The following MAG variants were observed in gnomAD, a reference collection of about 807,000 sequenced individuals.
The protein encoded by MAG is myelin associated glycoprotein.
In MAG, 30 loss-of-function variants were observed where a neutral mutation model predicts 60.7. That is an observed-to-expected ratio of 0.49 (90% confidence interval 0.37 to 0.67). MAG has a LOEUF of 0.67. Among genes scored for constraint, MAG ranks in the 30% least tolerant of loss-of-function variants. MAG has a pLI of 0.00. For synonymous variants in MAG, 384 were observed against 376.8 expected (o/e 1.02, Z -0.22); for missense variants, 795 against 851.7 (o/e 0.93, Z 0.83).
rs781652445 is a variant in MAG at position 35,295,390 on chromosome 19, C to CACTCACTCGCTGT, written c.-16_-4dup. ...CCCTCTCCTCTCCCTTTCCAGCGAT[C>CACTCACTCGCTGT]ACTCACTCGCTGTACAGAATGATAT... On this transcript the variant is annotated 5_prime_UTR_variant, in exon 3 of 11. Coordinates refer to ENST00000392213, the MANE Select transcript of MAG (RefSeq NM_002361.4). This position sits in a 1 kb window ranked among gnomAD's most constrained non-coding sequence, Gnocchi z 5.8. The CACTCACTCGCTGT allele has an allele frequency of 5.6e-6, 9 of 1,613,192 alleles. No individual in the cohort carries two copies. In the East Asian group the frequency reaches 8.9e-5, roughly 16 times the overall value.
chr19:35,310,271 A>G lies in MAG; in HGVS notation c.1519+110A>G, dbSNP rs2066517538. On this transcript the variant is annotated intron_variant, in intron 8 of 10. Coordinates refer to ENST00000392213, the MANE Select transcript of MAG (RefSeq NM_002361.4). ...CAGAGCATGGGCTATGCAGATTGAC[A>G]GAAAGGTCAAATTCTCCCTTTCCGG... 8.9e-6 allele frequency: 12 copies of G among 1,353,774 alleles called. 1 individual carries two copies. In the South Asian group the frequency reaches 1.8e-4, roughly 20 times the overall value. 83.9% of individuals were successfully genotyped at this position (1,353,774 alleles called of 1,614,324 possible).
chr19:35,295,801 C>G lies in MAG; in HGVS notation c.235C>G (p.Gln79Glu). 1 of 1,613,908 alleles carries G rather than the reference C, an allele frequency of 6.2e-7. No individual in the cohort carries two copies. The highest frequency in any genetic ancestry group is 1.3e-5 in the African/African-American group (1 of 75,008). ...YPPVVFKSRT[Q>E]VVHESFQGRS... ...CCCGGTGGTCTTCAAGTCGCGCACC[C>G]AAGTAGTCCACGAGAGCTTCCAGGG... The change falls in exon 4 of 11, where the codon CAA (glutamine) becomes GAA (glutamate). Residue 79 changes from glutamine (Q) to glutamate (E), a missense_variant. By Grantham distance (29) the Gln-to-Glu change is conservative. Transcript: ENST00000392213. This position sits in a 1 kb window ranked among gnomAD's most constrained non-coding sequence, Gnocchi z 5.8.
chr19:35,310,696 TG>T, intron 9 of MAG, 53 bp downstream of exon 9: 1 of 1,524,134 alleles, frequency 6.6e-7, no homozygotes, highest in Non-Finnish European at 9.1e-7. Context: ...AAAGGGGACC[TG>T]GTGGGAGATG....
intron 10 of MAG, chr19:35,312,773 C>T (rs557457031): frequency 5.5e-4 from 108 of 195,538 alleles, no homozygotes; most frequent in African/African-American, 2.4e-3. Context: ...GGCAGTGGCT[C>T]ACACCTGTAA....
chr19:35,297,948 ACAC>A (rs1005707244), intron 4 of MAG, among the ~76,000 whole-genome samples: 14 of 137,426 alleles, frequency 1.0e-4, no homozygotes, highest in South Asian at 2.3e-4. Context: ...CTACACACAC[ACAC>A]CACACCAAAC....
chr19:35,305,311 CT>C (rs1354607930), intron 7 of MAG, among the ~76,000 whole-genome samples: 2 of 152,224 alleles, frequency 1.3e-5, no homozygotes, highest in African/African-American at 4.8e-5. Context: ...GCAGGGCCTT[CT>C]GTCTTACCTG....
At position 35,307,286 on chromosome 19, in the gene MAG, G is replaced by GT. The variant is rs138539777; in HGVS notation, c.1232-2587dup. Among the ~76,000 whole-genome samples the GT allele has an allele frequency of 9.1e-3, 1,389 of 152,312 alleles. 32 individuals are homozygous for GT. Among genetic ancestry groups the GT allele is most frequent in the African/African-American group, 0.032 (1,311 of 41,560 alleles). On this transcript the variant is annotated intron_variant, in intron 7 of 10. Transcript: ENST00000392213. The stretch of plus-strand genomic sequence containing the variant: ...GTTCCCATTCCTGCCGTGAATCCGT[G>GT]TGCCCGTGTGACTCCCAGGTCCACC...
chr19:35,300,336 G>T lies in MAG; in HGVS notation c.902G>T (p.Gly301Val). 6.3e-7 allele frequency: 1 copy of T among 1,598,996 alleles called. No individual in the cohort carries two copies. The highest frequency in any genetic ancestry group is 8.5e-7 in the Non-Finnish European group (1 of 1,179,458). Residue 301 changes from glycine to valine, a missense_variant, in exon 6 of 11, where the codon GGC becomes GTC. By Grantham distance (109) the Gly-to-Val change is moderately radical. Transcript: ENST00000392213. ...ELEEVTPAEDGVYACLAENAY... is the reference protein window; with the variant it reads ...ELEEVTPAEDVVYACLAENAY... Reference sequence around the variant, plus strand: ...GAGGAGGTGACCCCCGCCGAAGACGGCGTCTATGCCTGCCTGGCCGAGAAT... The same window carrying T: ...GAGGAGGTGACCCCCGCCGAAGACGTCGTCTATGCCTGCCTGGCCGAGAAT...
At chr19:35,292,983 T>C (rs1293790558) in intron 1 of MAG, among the ~76,000 whole-genome samples, 2 of 152,168 alleles carry the variant, frequency 1.3e-5, no homozygotes, top group African/African-American at 2.4e-5. Context: ...GCTGTACATA[T>C]GTTTATGGAC....
At chr19:35,308,883 G>A (rs1367395697) in intron 7 of MAG, among the ~76,000 whole-genome samples, 3 of 152,218 alleles carry the variant, frequency 2.0e-5, no homozygotes, top group African/African-American at 7.2e-5. Context: ...GGGAGGCTGA[G>A]GCGGGAGGAT....
chr19:35,311,823 G>A (rs1014203034), intron 9 of MAG, 95 bp from the exon 10 acceptor site: 1 of 768,288 alleles, frequency 1.3e-6, no homozygotes, highest in South Asian at 1.6e-5. Flanking sequence ...AGAGATGGGT[G>A]GGAGAACTCT....
chr19:35,299,425 C>T, intron 4 of MAG, 129 bp from the exon 5 acceptor site: 2 of 613,338 alleles, frequency 3.3e-6, no homozygotes, highest in South Asian at 4.7e-5. Context: ...AGGCAGGGAG[C>T]GGAGGCGATA....
chr19:35,309,920 C>T lies in MAG; in HGVS notation c.1278C>T (p.Asp426=), dbSNP rs758590453. The T allele has an allele frequency of 2.5e-6, 4 of 1,613,818 alleles. No individual in the cohort carries two copies. Among genetic ancestry groups the T allele is most frequent in the Non-Finnish European group, 3.4e-6 (4 of 1,179,942 alleles). The change falls in exon 8 of 11, where the codon GAC becomes GAT. Residue 426 remains aspartate, a synonymous_variant. Transcript: ENST00000392213. ...LLESHCAAAR[D]TVQCLCVVKS... The stretch of plus-strand genomic sequence containing the variant: ...AGTCCCACTGCGCGGCAGCCCGAGA[C>T]ACGGTGCAGTGCCTGTGCGTGGTGA...
At chr19:35,312,445 C>T (rs2066535501) in intron 10 of MAG, 3 of 895,838 alleles carry the variant, frequency 3.3e-6, no homozygotes, top group Non-Finnish European at 5.4e-6. Flanking sequence ...TCCGGGCCTG[C>T]CCGGCAGTGC....
chr19:35,301,685 C>T (rs923427535), intron 6 of MAG, among the ~76,000 whole-genome samples: 3 of 152,098 alleles, frequency 2.0e-5, no homozygotes, highest in Admixed American at 1.3e-4. Context: ...CCACCTCGGC[C>T]TCCCAAAGTG....
At chr19:35,309,540 A>C (rs939595809) in intron 7 of MAG, among the ~76,000 whole-genome samples, 1 of 152,044 alleles carries the variant, frequency 6.6e-6, no homozygotes, top group African/African-American at 2.4e-5. Context: ...TCGGCCTCGC[A>C]AAGTGCTAGG....
chr19:35,313,202 A>T, intron 10 of MAG, 88 bp from the exon 11 acceptor site: 1 of 1,407,742 alleles, frequency 7.1e-7, no homozygotes, highest in Admixed American at 2.3e-5. Flanking sequence ...GACTGAACTC[A>T]GGAGCTCTGA....
At position 35,293,816 on chromosome 19, in the gene MAG, G is replaced by A. The variant is rs1368706646; in HGVS notation, c.-79-419G>A. Among the ~76,000 whole-genome samples, 1 of 152,044 alleles carries A rather than the reference G, an allele frequency of 6.6e-6. No individual in the cohort carries two copies. Among genetic ancestry groups the A allele is most frequent in the East Asian group, 1.9e-4 (1 of 5,176 alleles). ...GGGGACCAGCTTCTGGTGAGGGTGC[G>A]GACACCAGGGGCCGTCTGTGGGGTG... On this transcript the variant is annotated intron_variant, in intron 1 of 10. Transcript: ENST00000392213. The surrounding 1 kb of genome is among the most constrained non-coding windows in gnomAD (Gnocchi z 4.0).
chr19:35,302,381 G>A, intron 6 of MAG, 67 bp from the exon 7 acceptor site: 2 of 1,585,852 alleles, frequency 1.3e-6, no homozygotes. Context: ...CATATCTGGG[G>A]ATGGTAGTTG....
Sources: gnomAD v4.1 joint callset for allele counts (sites outside exome capture counted in the v4.1 genomes callset) on GRCh38, gnomAD v4.1.1 for gene constraint, Gnocchi (gnomAD v3.1) non-coding constraint, MANE v1.5 for transcripts, NCBI Gene and HGNC (gene_info 2026-07-23, HGNC 2026-07-21) for gene names.